Variants in LARGE1 observed in about 807,000 individuals in gnomAD.
The protein encoded by LARGE1 is LARGE xylosyl- and glucuronyltransferase 1, also known as xylosyl- and glucuronyltransferase LARGE1.
A neutral mutation model predicts 87.6 loss-of-function variants in LARGE1; 43 were observed. That is an observed-to-expected ratio of 0.49 (90% CI 0.38 to 0.63). The LOEUF is 0.63. Ranked by LOEUF, LARGE1 falls within the 30% of genes least tolerant of loss-of-function variation. The pLI is 0.00. For synonymous variants in LARGE1, 434 were observed against 394.6 expected (o/e 1.10, Z -1.18); for missense variants, 802 against 1,000.2 (o/e 0.80, Z 2.67).
At chr22:33,613,016 T>C (rs1251736199) in intron 4 of LARGE1, among the ~76,000 whole-genome samples, 2 of 152,206 alleles carry the variant, frequency 1.3e-5, no homozygotes, top group African/African-American at 4.8e-5. Context: ...ATGGCAATAC[T>C]AGGTGTCTGC....
intron 6 of LARGE1, among the ~76,000 whole-genome samples, chr22:33,523,395 C>T (rs948356072): frequency 6.6e-6 from 1 of 152,150 alleles, no homozygotes; most frequent in Non-Finnish European, 1.5e-5. Flanking sequence ...AAACCAACAA[C>T]CTGCATTTCC....
intron 2 of LARGE1, among the ~76,000 whole-genome samples, chr22:33,758,196 TTGTC>T (rs1423208764): frequency 1.3e-5 from 2 of 152,152 alleles, no homozygotes; most frequent in Non-Finnish European, 2.9e-5. Flanking sequence ...GGACAGCCCT[TTGTC>T]TGTTTGCTGA....
At chr22:33,155,331 G>C in the LARGE1 span, among the ~76,000 whole-genome samples, 1 of 152,178 alleles carries the variant, frequency 6.6e-6, no homozygotes, top group Non-Finnish European at 1.5e-5. Context: ...TAGAGACTTG[G>C]TAAATGGCTT....
chr22:33,360,031 A>T (rs1432010862), intron 9 of LARGE1, among the ~76,000 whole-genome samples: 2 of 149,762 alleles, frequency 1.3e-5, no homozygotes, highest in African/African-American at 4.9e-5. Flanking sequence ...GTCCATTCTT[A>T]CATTGCTATA....
rs1013303893 is a variant in LARGE1, at chr22:33,878,126, T to G, written c.-83+41869A>C. Among the ~76,000 whole-genome samples, 6 of 124,846 alleles carry G rather than the reference T, an allele frequency of 4.8e-5. No homozygotes were observed. The Admixed American group carries it at 5.0e-4, about 10-fold the overall frequency. 81.9% of individuals were successfully genotyped at this position (124,846 alleles called of 152,430 possible). A position where few individuals can be genotyped will look rare whatever the true frequency, so the allele number is the denominator to read the frequency against. On this transcript the variant is annotated intron_variant, in intron 1 of 14. Transcript: ENST00000397394. Reference sequence around the variant, plus strand: ...AATTATGTATGTTGTTTATATTGTATTTCTTTTTTTTTTTTTTTTTTTTTT... The same window carrying G: ...AATTATGTATGTTGTTTATATTGTAGTTCTTTTTTTTTTTTTTTTTTTTTT...
At chr22:33,495,807 T>G (rs1012690511) in intron 6 of LARGE1, among the ~76,000 whole-genome samples, 4 of 152,208 alleles carry the variant, frequency 2.6e-5, no homozygotes, top group African/African-American at 9.6e-5. Flanking sequence ...AAAGGGGTCA[T>G]GATCACGGTA....
chr22:33,864,808 C>T (rs1188584212), intron 1 of LARGE1, among the ~76,000 whole-genome samples: 3 of 152,216 alleles, frequency 2.0e-5, no homozygotes, highest in African/African-American at 4.8e-5. Context: ...TCAGAATCTA[C>T]AGCACTTTTA....
In LARGE1 at chr22:33,630,771, TA is replaced by T. The variant is rs1184058656; in HGVS notation, c.409-4446del. Reference sequence around the variant, plus strand: ...GTACACTTAGACTATACTAAGTTTATAAAAAATATTTTTCTTCAATAAAAAA... The same window carrying T: ...GTACACTTAGACTATACTAAGTTTATAAAAATATTTTTCTTCAATAAAAAA... On this transcript the variant is annotated intron_variant, in intron 3 of 14. Transcript: ENST00000397394. Among the ~76,000 whole-genome samples, 8 of 152,258 alleles carry T rather than the reference TA, an allele frequency of 5.3e-5. No individual in the cohort carries two copies. The East Asian group carries it at 1.5e-3, about 29-fold the overall frequency.
At chr22:33,501,808 C>T (rs114397617) in intron 6 of LARGE1, among the ~76,000 whole-genome samples, 232 of 152,218 alleles carry the variant, frequency 1.5e-3, no homozygotes, top group African/African-American at 5.3e-3. Flanking sequence ...GTGACATGGA[C>T]GTTAGCTACA....
At chr22:33,292,555 G>A (rs957415657) in intron 12 of LARGE1, among the ~76,000 whole-genome samples, 3 of 152,120 alleles carry the variant, frequency 2.0e-5, no homozygotes, top group African/African-American at 4.8e-5. Flanking sequence ...CTTACATGTC[G>A]AGGAGACAAA....
At chr22:33,552,335 C>T (rs916879558) in intron 6 of LARGE1, among the ~76,000 whole-genome samples, 6 of 152,188 alleles carry the variant, frequency 3.9e-5, no homozygotes, top group African/African-American at 1.4e-4. Context: ...GACCTCCCCT[C>T]TCTCCTTGCC....
At chr22:33,359,617 T>C (rs1038925319) in intron 9 of LARGE1, among the ~76,000 whole-genome samples, 1 of 145,418 alleles carries the variant, frequency 6.9e-6, no homozygotes, top group Non-Finnish European at 1.5e-5. Context: ...AGGCTGGAGC[T>C]CAGTGGCGCG....
At chr22:33,072,450 A>G in the LARGE1 span, among the ~76,000 whole-genome samples, 1 of 152,158 alleles carries the variant, frequency 6.6e-6, no homozygotes, top group African/African-American at 2.4e-5. Flanking sequence ...TCATTTTCTT[A>G]GCTGGCTGAT....
intron 7 of LARGE1, among the ~76,000 whole-genome samples, chr22:33,422,510 CTTT>C (rs1309810438): frequency 6.6e-5 from 9 of 136,600 alleles, no homozygotes; most frequent in East Asian, 6.3e-4. Flanking sequence ...GTGCTACACA[CTTT>C]TTTTTTTTTT....
At chr22:33,492,886 G>A (rs1369897032) in intron 6 of LARGE1, among the ~76,000 whole-genome samples, 1 of 152,172 alleles carries the variant, frequency 6.6e-6, no homozygotes, top group African/African-American at 2.4e-5. Flanking sequence ...CCACAGGGAG[G>A]GAGGAGGGAA....
At chr22:33,449,308 C>T (rs1412111566) in intron 6 of LARGE1, among the ~76,000 whole-genome samples, 1 of 152,180 alleles carries the variant, frequency 6.6e-6, no homozygotes, top group East Asian at 1.9e-4. Context: ...GGGCTCTCCA[C>T]TGTTTAGCTG....
At chr22:33,772,098 C>A (rs2145821950) in intron 1 of LARGE1, among the ~76,000 whole-genome samples, 1 of 152,260 alleles carries the variant, frequency 6.6e-6, no homozygotes, top group Non-Finnish European at 1.5e-5. Context: ...CTTTGGGAGG[C>A]CAAGGCAGGT....
chr22:33,459,833 G>A (rs774702894), intron 6 of LARGE1, among the ~76,000 whole-genome samples: 86 of 151,994 alleles, frequency 5.7e-4, no homozygotes, highest in Non-Finnish European at 9.4e-4. Flanking sequence ...ACATTACACC[G>A]CCAGCCCAGA....
intron 6 of LARGE1, among the ~76,000 whole-genome samples, chr22:33,504,244 A>C (rs1038399132): frequency 3.3e-5 from 5 of 152,134 alleles, no homozygotes; most frequent in African/African-American, 7.2e-5. Flanking sequence ...TGAACTATAC[A>C]CTACAAATGG....
Sources: allele counts gnomAD v4.1 joint callset (sites outside exome capture counted in the v4.1 genomes callset), GRCh38; gene constraint gnomAD v4.1.1; transcripts MANE v1.5; gene names NCBI Gene and HGNC (gene_info 2026-07-23, HGNC 2026-07-21).